The following CARS1 variants were observed in gnomAD, a reference collection of about 807,000 sequenced individuals.
CARS1 encodes cysteinyl-tRNA synthetase 1.
In CARS1, 48 loss-of-function variants were observed where a neutral mutation model predicts 106.2. The ratio of observed to expected loss-of-function variants is 0.45; its 90% confidence interval spans 0.36 to 0.57. The LOEUF (loss-of-function observed/expected upper bound fraction) is 0.57, where lower values mean the gene tolerates loss of function less well. CARS1 is among the 20% of genes least tolerant of loss of function. CARS1 has a pLI of 0.00. For missense variants in CARS1, 968 were observed against 1,057.2 expected, an observed-to-expected ratio of 0.92 and a Z score of 1.17; for synonymous variants, 409 against 403.4, an observed-to-expected ratio of 1.01 and a Z score of -0.17.
rs2134146674 is a variant in CARS1, at chr11:3,018,504, C to A, written c.1533G>T (p.Gln511His). 2 of 1,614,048 alleles carry A rather than the reference C, an allele frequency of 1.2e-6. No homozygotes were observed. Among genetic ancestry groups the A allele is most frequent in the Non-Finnish European group, 1.7e-6 (2 of 1,179,872 alleles). ...KDALKKHSAR[Q>H]LRLAFLMHSW... ...AGTGCATGAGGAAGGCCAGCCGCAA[C>A]TGCCGTGCTGTGGGGGGACACAAGA... The change falls in exon 14 of 23, where the codon CAG (glutamine) becomes CAT (histidine). Residue 511 changes from glutamine (Q) to histidine (H), a missense_variant. Coordinates refer to ENST00000380525, the MANE Select transcript of CARS1 (RefSeq NM_001014437.3).
At chr11:3,012,100 G>T in intron 18 of CARS1, 95 bp downstream of exon 18, 1 of 1,147,892 alleles carries the variant, frequency 8.7e-7, no homozygotes, top group Non-Finnish European at 1.3e-6. Context: ...AGGATGATCC[G>T]GCCTGAACGC....
Position 3,039,271 on chromosome 11 carries a change from T to A in CARS1, c.574A>T (p.Asn192Tyr), listed in dbSNP as rs774812687. ...TCCCGATACTGCTCGAACAGGTGGT[T>A]CTGCCGGGCCCTCTTGATGATCTGG... Reference protein sequence around the residue: ...DDKIIKRARQNHLFEQYREKR... With the variant: ...DDKIIKRARQYHLFEQYREKR... The change falls in exon 6 of 23, where the codon AAC (asparagine) becomes TAC (tyrosine). Residue 192 changes from asparagine (N) to tyrosine (Y), a missense_variant. By Grantham distance (143) the Asn-to-Tyr change is moderately radical. Coordinates refer to ENST00000380525, the MANE Select transcript of CARS1 (RefSeq NM_001014437.3). This position sits in a 1 kb window ranked among gnomAD's most constrained non-coding sequence, Gnocchi z 5.6. The A allele has an allele frequency of 6.2e-7, 1 of 1,613,300 alleles. No individual in the cohort carries two copies. The highest frequency in any genetic ancestry group is 1.7e-5 in the Admixed American group (1 of 60,012).
At position 3,053,036 on chromosome 11, in the gene CARS1, C is replaced by A. The variant is rs1039618182; in HGVS notation, c.25+4307G>T. Among the ~76,000 whole-genome samples the A allele has an allele frequency of 2.0e-5, 3 of 152,172 alleles. No individual in the cohort carries two copies. The highest frequency in any genetic ancestry group is 4.4e-5 in the Non-Finnish European group (3 of 68,046). On this transcript the variant is annotated intron_variant, in intron 1 of 22. Coordinates refer to ENST00000380525, the MANE Select transcript of CARS1 (RefSeq NM_001014437.3). The surrounding 1 kb of genome is among the most constrained non-coding windows in gnomAD (Gnocchi z 6.6). ...GGTGGATGGTGGTTGTCACCGGCTA[C>A]AAAGGTGGAGTCTCTACAGAACATT...
Position 3,022,134 on chromosome 11 carries a change from G to A in CARS1, c.1154-1802C>T, listed in dbSNP as rs1447493664. Among the ~76,000 whole-genome samples the A allele has an allele frequency of 6.6e-6, 1 of 152,118 alleles. No homozygotes were observed. The highest frequency in any genetic ancestry group is 2.4e-5 in the African/African-American group (1 of 41,424). Reference sequence around the variant, plus strand: ...GGCCAGGTGCAGTGCACGTCCATCCGCTTCCCTGCAGCTCTAACTGAGAGT... The same window carrying A: ...GGCCAGGTGCAGTGCACGTCCATCCACTTCCCTGCAGCTCTAACTGAGAGT... On this transcript the variant is annotated intron_variant, in intron 10 of 22. Transcript: ENST00000380525. This position sits in a 1 kb window ranked among gnomAD's most constrained non-coding sequence, Gnocchi z 4.9.
chr11:3,002,658 C>T (rs1055384073), intron 20 of CARS1, 58 bp from the exon 21 acceptor site: 24 of 1,608,234 alleles, frequency 1.5e-5, no homozygotes, highest in African/African-American at 2.7e-5. Flanking sequence ...CTGGGTCTCT[C>T]GGAGTGAGAG....
intron 16 of CARS1, among the ~76,000 whole-genome samples, chr11:3,016,134 GC>G (rs1419917686): frequency 1.3e-5 from 2 of 152,176 alleles, no homozygotes; most frequent in Non-Finnish European, 2.9e-5. Flanking sequence ...TTGAGTCCAG[GC>G]CCTGCTGGCC....
intron 10 of CARS1, among the ~76,000 whole-genome samples, chr11:3,023,955 C>T (rs998944135): frequency 7.9e-5 from 12 of 152,220 alleles, no homozygotes; most frequent in African/African-American, 2.4e-4. Context: ...TGCAGTGGCA[C>T]GCTCTCAGCT....
chr11:3,012,294 T>C lies in CARS1; in HGVS notation c.1987-18A>G. 1 of 1,610,968 alleles carries C rather than the reference T, an allele frequency of 6.2e-7. No homozygotes were observed. Among genetic ancestry groups the C allele is most frequent in the Non-Finnish European group, 8.5e-7 (1 of 1,177,138 alleles). On this transcript the variant is annotated intron_variant, in intron 17 of 22. Coordinates refer to ENST00000380525, the MANE Select transcript of CARS1 (RefSeq NM_001014437.3). ...GCCTCGAGCTGCGGAAAGAACAGTT[T>C]TGGTTCACTGAGAGCTGCTCACACT... is the stretch of plus-strand genomic sequence containing the variant.
intron 1 of CARS1, chr11:3,054,746 G>A (rs187906342): frequency 9.2e-5 from 58 of 631,726 alleles, no homozygotes; most frequent in Middle Eastern, 4.2e-4. Flanking sequence ...TTCCCCCAAG[G>A]GTGGCAGGAG....
At chr11:3,006,769 C>T in intron 19 of CARS1, 110 bp downstream of exon 19, 1 of 904,392 alleles carries the variant, frequency 1.1e-6, no homozygotes, top group South Asian at 1.4e-5. Flanking sequence ...CTTTGGGATT[C>T]TGCATCAGCA....
intron 7 of CARS1, among the ~76,000 whole-genome samples, chr11:3,032,255 T>C (rs1237324676): frequency 6.6e-6 from 1 of 152,016 alleles, no homozygotes; most frequent in African/African-American, 2.4e-5. Flanking sequence ...GCATTGTCAG[T>C]AGAGACGGGG....
rs2134277646 is a variant in CARS1, at chr11:3,044,641, T to C, written c.275-2385A>G. ...CAAACTCCTGACCTTGTGATCTGCC[T>C]GCCTTGGCCTCCTAAAGTGCTGGGA... is the stretch of plus-strand genomic sequence containing the variant. On this transcript the variant is annotated intron_variant, in intron 2 of 22. Coordinates refer to ENST00000380525, the MANE Select transcript of CARS1 (RefSeq NM_001014437.3). The surrounding 1 kb of genome is among the most constrained non-coding windows in gnomAD (Gnocchi z 4.4). 6.6e-6 allele frequency among the ~76,000 whole-genome samples: 1 copy of C among 152,250 alleles called. No homozygotes were observed. The highest frequency in any genetic ancestry group is 1.9e-4 in the East Asian group (1 of 5,180).
rs150904380 is a variant in CARS1 at position 3,041,233 on chromosome 11, G to A, written c.367-249C>T. The A allele has an allele frequency of 2.0e-4, 103 of 513,790 alleles. No individual in the cohort carries two copies. The East Asian group carries it at 2.9e-3, about 14-fold the overall frequency. 31.8% of individuals were successfully genotyped at this position (513,790 alleles called of 1,614,324 possible). A position where few individuals can be genotyped will look rare whatever the true frequency, so the allele number is the denominator to read the frequency against. ...CCTGGGGTTCTACTCATCTATGGAG[G>A]GAGGCGATAAAGGGAATCAATGATT... On this transcript the variant is annotated intron_variant, in intron 3 of 22. Transcript: ENST00000380525. The surrounding 1 kb of genome is among the most constrained non-coding windows in gnomAD (Gnocchi z 4.9).
chr11:3,016,802 C>T (rs375017932), intron 16 of CARS1, among the ~76,000 whole-genome samples: 9 of 152,216 alleles, frequency 5.9e-5, no homozygotes, highest in African/African-American at 1.4e-4. Context: ...TTTATAGACC[C>T]GGGATCTCAC....
Position 3,012,275 on chromosome 11 carries a change from A to T in CARS1, c.1988T>A (p.Leu663His). The T allele has an allele frequency of 6.2e-7, 1 of 1,614,090 alleles. No individual in the cohort carries two copies. Among genetic ancestry groups the T allele is most frequent in the Non-Finnish European group, 8.5e-7 (1 of 1,179,918 alleles). ...PVGGPGTSLSLEATVMPYLQV... is the reference protein window; with the variant it reads ...PVGGPGTSLSHEATVMPYLQV... ...AAGGTAGGGCATGACTGTGGCCTCG[A>T]GCTGCGGAAAGAACAGTTTTGGTTC... Residue 663 changes from leucine (L) to histidine (H), a missense_variant and splice_region_variant, in exon 18 of 23, where the codon CTC becomes CAC. Leu to His is a moderately conservative substitution (Grantham distance 99). Transcript: ENST00000380525.
rs1426967568 is a variant in CARS1, at chr11:3,057,257, T to C, written c.25+86A>G. ...CCCATGCACCCGGGCCCCTCAGACA[T>C]AAGGACTCGCTGCCCTTCGAGCCGA... On this transcript the variant is annotated intron_variant, in intron 1 of 22. Coordinates refer to ENST00000380525, the MANE Select transcript of CARS1 (RefSeq NM_001014437.3). 5 of 1,212,924 alleles carry C rather than the reference T, an allele frequency of 4.1e-6. No homozygotes were observed. In the South Asian group the frequency reaches 6.4e-5, roughly 15 times the overall value. 75.1% of individuals were successfully genotyped at this position (1,212,924 alleles called of 1,614,324 possible).
In CARS1 at chr11:3,042,192, G is replaced by A. The variant is rs867387449; in HGVS notation, c.339C>T (p.His113=). Reference sequence around the variant, plus strand: ...TGTTCCTGGTGAGGCTGTTGTAAAGGTGGAGTCTGCATGGCTGGGTCCCAG... The same window carrying A: ...TGTTCCTGGTGAGGCTGTTGTAAAGATGGAGTCTGCATGGCTGGGTCCCAG... ...PPAGTQPCRL[H]LYNSLTRNKE... The change falls in exon 3 of 23, where the codon CAC becomes CAT. Residue 113 remains histidine, a synonymous_variant. Transcript: ENST00000380525. The A allele has an allele frequency of 1.2e-6, 2 of 1,613,950 alleles. No homozygotes were observed. The highest frequency in any genetic ancestry group is 1.7e-6 in the Non-Finnish European group (2 of 1,179,966).
Position 3,045,525 on chromosome 11 carries a change from A to G in CARS1, c.274+2228T>C, listed in dbSNP as rs2134281490. Among the ~76,000 whole-genome samples the G allele has an allele frequency of 6.6e-6, 1 of 152,294 alleles. No individual in the cohort carries two copies. Among genetic ancestry groups the G allele is most frequent in the East Asian group, 1.9e-4 (1 of 5,174 alleles). ...GTGATCCGCCCGCCTTGGCCTCCCAAAGTGCTGGGATTACAGGAGTGAGCC... is the reference window on the plus strand; with the variant it reads ...GTGATCCGCCCGCCTTGGCCTCCCAGAGTGCTGGGATTACAGGAGTGAGCC... On this transcript the variant is annotated intron_variant, in intron 2 of 22. Coordinates refer to ENST00000380525, the MANE Select transcript of CARS1 (RefSeq NM_001014437.3). This position sits in a 1 kb window ranked among gnomAD's most constrained non-coding sequence, Gnocchi z 5.6.
intron 1 of CARS1, chr11:3,054,797 C>A: frequency 1.4e-6 from 1 of 694,218 alleles, no homozygotes; most frequent in South Asian, 1.5e-5. Context: ...CTGGCACAGA[C>A]TCATGCTGAA....
Sources: allele counts gnomAD v4.1 joint callset (sites outside exome capture counted in the v4.1 genomes callset), GRCh38; gene constraint gnomAD v4.1.1; non-coding constraint Gnocchi (gnomAD v3.1); transcripts MANE v1.5; gene names NCBI Gene and HGNC (gene_info 2026-07-23, HGNC 2026-07-21).